Variants in ADGRF5 observed in about 807,000 individuals in gnomAD.
ADGRF5 encodes the protein adhesion G protein-coupled receptor F5.
Under a neutral mutation model 132.3 loss-of-function variants are expected in ADGRF5, and 75 were observed. The observed-to-expected ratio is 0.57, with a 90% CI of 0.47 to 0.69. The LOEUF is 0.69. Ranked by LOEUF, ADGRF5 falls within the 30% of genes least tolerant of loss-of-function variation. The probability of loss-of-function intolerance (pLI) is 0.00; values close to 1 mark genes in which losing one functional copy is unlikely to be tolerated. For synonymous variants in ADGRF5, 629 were observed against 597.6 expected (o/e 1.05, Z -0.77); for missense variants, 1,516 against 1,630.6 (o/e 0.93, Z 1.21).
intron 3 of ADGRF5, among the ~76,000 whole-genome samples, chr6:46,898,974 C>G (rs1373624371): frequency 6.6e-6 from 1 of 152,118 alleles, no homozygotes; most frequent in African/African-American, 2.4e-5. Flanking sequence ...TGATGCCAGG[C>G]TACAGAGATG....
chr6:46,937,014 TGA>T (rs1777867544), intron 1 of ADGRF5, among the ~76,000 whole-genome samples: 1 of 152,214 alleles, frequency 6.6e-6, no homozygotes, highest in Admixed American at 6.5e-5. Context: ...TTTTACTTAA[TGA>T]GAGGCAACCC....
At chr6:46,862,702 G>GTTTTTTT (rs1562148328) in intron 15 of ADGRF5, among the ~76,000 whole-genome samples, 186 bp downstream of exon 15, 2 of 34,388 alleles carry the variant, frequency 5.8e-5, no homozygotes, top group African/African-American at 2.2e-4. Context: ...TTGAATTGAG[G>GTTTTTTT]CTTTTTTTTT....
At chr6:46,894,096 C>G (rs879821564) in intron 3 of ADGRF5, among the ~76,000 whole-genome samples, 1 of 152,180 alleles carries the variant, frequency 6.6e-6, no homozygotes, top group Admixed American at 6.5e-5. Flanking sequence ...GTTGGTTTGG[C>G]TTCCTCTTGA....
At chr6:46,889,677 T>C (rs12201644) in intron 3 of ADGRF5, among the ~76,000 whole-genome samples, 12,168 of 147,186 alleles carry the variant, frequency 0.083, 711 homozygotes, top group Non-Finnish European at 0.12. Context: ...TATATATACA[T>C]ATATAGACTA....
intron 1 of ADGRF5, among the ~76,000 whole-genome samples, chr6:46,912,340 G>C (rs1776022522): frequency 1.3e-5 from 2 of 152,062 alleles, no homozygotes; most frequent in Admixed American, 1.3e-4. Context: ...AAACAACAGG[G>C]GAGTTTGGAA....
At chr6:46,931,035 C>G (rs1257197374) in intron 1 of ADGRF5, among the ~76,000 whole-genome samples, 1 of 152,116 alleles carries the variant, frequency 6.6e-6, no homozygotes, top group Non-Finnish European at 1.5e-5. Context: ...GGCTGGGCAA[C>G]AGAGGGAGAC....
At chr6:46,900,459 C>G (rs1774636589) in intron 2 of ADGRF5, among the ~76,000 whole-genome samples, 6 of 152,218 alleles carry the variant, frequency 3.9e-5, no homozygotes, top group Non-Finnish European at 1.5e-5. Context: ...ACCTTCGAGA[C>G]AAGTCTCACG....
rs1479631666 is a variant in ADGRF5 at position 46,888,446 on chromosome 6, T to C, written c.217A>G (p.Asn73Asp). Residue 73 changes from asparagine to aspartate, a missense_variant, in exon 4 of 21, where the codon AAT becomes GAT. Transcript: ENST00000283296. ...YTVNIEISFENASFLDPIKAY... is the reference protein window; with the variant it reads ...YTVNIEISFEDASFLDPIKAY... ...TTGATAGGATCCAGGAAGGATGCAT[T>C]TTCAAAACTGATCTCAATATTAACA... 1.2e-6 allele frequency: 2 copies of C among 1,613,040 alleles called. No individual in the cohort carries two copies. Among genetic ancestry groups the C allele is most frequent in the African/African-American group, 2.7e-5 (2 of 74,996 alleles).
At chr6:46,879,547 G>C (rs220666) in intron 9 of ADGRF5, among the ~76,000 whole-genome samples, 125,752 of 152,096 alleles carry the variant, frequency 0.83, 52,217 homozygotes, top group Non-Finnish European at 0.86. Flanking sequence ...ATGATTGTAA[G>C]TTTCCTGAGG....
At chr6:46,886,931 T>A (rs1258857611) in intron 4 of ADGRF5, 6 of 152,232 alleles carry the variant, frequency 3.9e-5, no homozygotes, top group Non-Finnish European at 7.3e-5. Flanking sequence ...TATGTGTGAA[T>A]GACCAGTCTT....
intron 2 of ADGRF5, among the ~76,000 whole-genome samples, chr6:46,901,240 C>T (rs1774733468): frequency 6.6e-6 from 1 of 152,112 alleles, no homozygotes; most frequent in African/African-American, 2.4e-5. Context: ...AGAGCCTACC[C>T]CATACCTTGA....
rs193175891 is a variant in ADGRF5, at chr6:46,877,226, T to C, written c.1240+976A>G. ...TTGGTGAGTCCTAATTTATTTCCTC[T>C]CTTTCTTTCTTTCTTTCTTTCTTTC... On this transcript the variant is annotated intron_variant, in intron 10 of 20. Transcript: ENST00000283296. 7.3e-3 allele frequency among the ~76,000 whole-genome samples: 120 copies of C among 16,450 alleles called. 1 individual carries two copies. Among genetic ancestry groups the C allele is most frequent in the Middle Eastern group, 0.031 (2 of 64 alleles). 10.8% of individuals were successfully genotyped at this position (16,450 alleles called of 152,430 possible). A position where few individuals can be genotyped will look rare whatever the true frequency, so the allele number is the denominator to read the frequency against.
intron 8 of ADGRF5, among the ~76,000 whole-genome samples, chr6:46,880,853 G>A (rs1183240322): frequency 6.6e-6 from 1 of 152,104 alleles, no homozygotes; most frequent in Non-Finnish European, 1.5e-5. Context: ...CACTTTGGGA[G>A]GCTAAGGTGG....
At chr6:46,876,163 G>A (rs1026048335) in intron 10 of ADGRF5, among the ~76,000 whole-genome samples, 3 of 152,234 alleles carry the variant, frequency 2.0e-5, no homozygotes, top group Non-Finnish European at 4.4e-5. Flanking sequence ...AGCAGCAAGG[G>A]CAGGAGAAAG....
intron 1 of ADGRF5, among the ~76,000 whole-genome samples, chr6:46,929,728 A>C (rs535350351): frequency 6.6e-6 from 1 of 152,078 alleles, no homozygotes; most frequent in Non-Finnish European, 1.5e-5. Flanking sequence ...TGTCTGGCTC[A>C]TGACTTAGAG....
At position 46,879,359 on chromosome 6, in the gene ADGRF5, GC is replaced by G. The variant is rs1772188387; in HGVS notation, c.1036+458del. 2.0e-5 allele frequency among the ~76,000 whole-genome samples: 3 copies of G among 152,168 alleles called. 1 individual carries two copies. The South Asian group carries it at 6.2e-4, about 32-fold the overall frequency. ...TATAATCTGCACATGTTCAGGCAGG[GC>G]CCTGGTGGTAGGTGATTTTCTCATG... On this transcript the variant is annotated intron_variant, in intron 9 of 20. Coordinates refer to ENST00000283296, the MANE Select transcript of ADGRF5 (RefSeq NM_001098518.2).
intron 2 of ADGRF5, 100 bp from the exon 3 acceptor site, chr6:46,900,183 G>A: frequency 1.1e-6 from 1 of 887,474 alleles, no homozygotes; most frequent in African/African-American, 1.6e-5. Context: ...CTGAGCTTAA[G>A]GCTGCAGACT....
Position 46,860,716 on chromosome 6 carries a change from G to C in ADGRF5, c.2378C>G (p.Thr793Arg), listed in dbSNP as rs751351835. ...VPTQVNSEMM[T>R]HVLSTVNVIL... is the part of the protein sequence containing the mutation. ...CCTGCAAAGGTTAAGCAAACTCACC[G>C]TCATCATTTCTGAATTTACTTGGGT... The change falls in exon 16 of 21, where the codon ACG (threonine) becomes AGG (arginine). Residue 793 changes from threonine to arginine, a missense_variant and splice_region_variant. Transcript: ENST00000283296. 6.2e-7 allele frequency: 1 copy of C among 1,609,020 alleles called. No homozygotes were observed. The highest frequency in any genetic ancestry group is 8.5e-7 in the Non-Finnish European group (1 of 1,176,084).
In ADGRF5 at chr6:46,862,703, C is replaced by CTTTTTTTTTTTTTT. The variant is rs67565937; in HGVS notation, c.2199+171_2199+184dup. ...AGTTGTCTTAGTATTTGAATTGAGG[C>CTTTTTTTTTTTTTT]TTTTTTTTTTTTTTTTTTTTTTTTT... On this transcript the variant is annotated intron_variant, in intron 15 of 20. Transcript: ENST00000283296. Among the ~76,000 whole-genome samples the CTTTTTTTTTTTTTT allele has an allele frequency of 4.5e-3, 118 of 26,510 alleles. 28 individuals are homozygous for CTTTTTTTTTTTTTT. Among genetic ancestry groups the CTTTTTTTTTTTTTT allele is most frequent in the Non-Finnish European group, 5.0e-3 (84 of 16,702 alleles). 17.4% of individuals were successfully genotyped at this position (26,510 alleles called of 152,430 possible). A position where few individuals can be genotyped will look rare whatever the true frequency, so the allele number is the denominator to read the frequency against.
Sources: allele counts gnomAD v4.1 joint callset (sites outside exome capture counted in the v4.1 genomes callset), GRCh38; gene constraint gnomAD v4.1.1; transcripts MANE v1.5; gene names NCBI Gene and HGNC (gene_info 2026-07-23, HGNC 2026-07-21).